PRL: variants seen among roughly 807,000 people sequenced by gnomAD.
The protein encoded by PRL is prolactin.
A neutral mutation model predicts 21.3 loss-of-function variants in PRL; 24 were observed. The ratio of observed to expected loss-of-function variants is 1.13; its 90% CI spans 0.82 to 1.59. The LOEUF (loss-of-function observed/expected upper bound fraction) is 1.59. Among genes scored for constraint, PRL ranks in the 40% most tolerant of loss-of-function variants. PRL has a pLI of 0.00. For synonymous variants in PRL, 118 were observed against 115.7 expected (o/e 1.02, Z -0.13); for missense variants, 243 against 286.9 (o/e 0.85, Z 1.10).
chr6:22,296,772 C>T (rs1761184738), intron 1 of PRL, among the ~76,000 whole-genome samples, 183 bp downstream of exon 1: 1 of 152,158 alleles, frequency 6.6e-6, no homozygotes. Context: ...GAGAGGATTC[C>T]CCTGTTTGAG....
intron 2 of PRL, among the ~76,000 whole-genome samples, chr6:22,293,625 G>GGGAA (rs1176296800): frequency 0.031 from 850 of 27,254 alleles, 17 homozygotes; most frequent in South Asian, 0.065. Context: ...GAGGGAAGGA[G>GGGAA]GGAAGGAAGG....
chr6:22,298,161 A>G (rs1761215761), upstream of PRL, among the ~76,000 whole-genome samples: 2 of 152,194 alleles, frequency 1.3e-5, no homozygotes, highest in Non-Finnish European at 2.9e-5. Context: ...ACTCTTTTCA[A>G]GGATAGCAGT....
At chr6:22,295,423 A>T (rs1761153957) in intron 1 of PRL, among the ~76,000 whole-genome samples, 1 of 152,118 alleles carries the variant, frequency 6.6e-6, no homozygotes, top group Non-Finnish European at 1.5e-5. Context: ...GCATCTGTGT[A>T]ATGGGGGCCG....
chr6:22,292,580 G>A lies in PRL; in HGVS notation c.270C>T (p.Ser90=). ...GCTCCTTGTCTTCGGGGGTGGCAAGGGAAGAAGTGTGGCAGCTGTTGATGG... is the reference window on the plus strand; with the variant it reads ...GCTCCTTGTCTTCGGGGGTGGCAAGAGAAGAAGTGTGGCAGCTGTTGATGG... ...TKAINSCHTS[S]LATPEDKEQA... is the part of the protein sequence containing the mutation. Residue 90 remains serine, a synonymous_variant, in exon 3 of 5, where the codon TCC becomes TCT. Transcript: ENST00000306482. The A allele has an allele frequency of 6.2e-7, 1 of 1,614,106 alleles. No homozygotes were observed. Among genetic ancestry groups the A allele is most frequent in the Non-Finnish European group, 8.5e-7 (1 of 1,180,020 alleles).
At chr6:22,301,365 A>G (rs1761279136), upstream of PRL, among the ~76,000 whole-genome samples, 3 of 152,216 alleles carry the variant, frequency 2.0e-5, no homozygotes, top group African/African-American at 4.8e-5. Context: ...AGAAAGCTAT[A>G]GCGATAGATC....
upstream of PRL, chr6:22,297,053 G>C (rs750148664): frequency 5.9e-6 from 9 of 1,532,292 alleles, no homozygotes; most frequent in Admixed American, 1.4e-4. Flanking sequence ...CTCTTTCCCA[G>C]ATATTGGCTT....
chr6:22,297,036 C>T lies in PRL; in HGVS notation c.-54G>A, dbSNP rs374121001. On this transcript the variant is annotated 5_prime_UTR_variant, in exon 1 of 5. It adds an upstream start codon to the 5' untranslated region. Coordinates refer to ENST00000306482, the MANE Select transcript of PRL (RefSeq NM_000948.6). ...CACCAGAGAAGATCTGGAAGTCTCACGGTTTTCTCTTTCCCAGATATTGGC... is the reference window on the plus strand; with the variant it reads ...CACCAGAGAAGATCTGGAAGTCTCATGGTTTTCTCTTTCCCAGATATTGGC... 201 of 1,590,114 alleles carry T rather than the reference C, an allele frequency of 1.3e-4. No individual in the cohort carries two copies. In the African/African-American group the frequency reaches 1.9e-3, roughly 15 times the overall value.
Position 22,292,610 on chromosome 6 carries a change from G to T in PRL, c.240C>A (p.Thr80=), listed in dbSNP as rs1194602220. ...AAGTGTGGCAGCTGTTGATGGCCTT[G>T]GTAATGAACCCCCGGCCATGGGTAT... ...KRYTHGRGFI[T]KAINSCHTSS... The change falls in exon 3 of 5, where the codon ACC becomes ACA. Residue 80 remains threonine, a synonymous_variant. Transcript: ENST00000306482. The T allele has an allele frequency of 1.9e-6, 3 of 1,613,882 alleles. No homozygotes were observed. Among genetic ancestry groups the T allele is most frequent in the Non-Finnish European group, 2.5e-6 (3 of 1,179,980 alleles).
Position 22,290,201 on chromosome 6 carries a change from T to C in PRL, c.465A>G (p.Leu155=). 6.2e-7 allele frequency: 1 copy of C among 1,603,146 alleles called. No individual in the cohort carries two copies. The highest frequency in any genetic ancestry group is 8.5e-7 in the Non-Finnish European group (1 of 1,172,198). ...VEIEEQTKRL[L]EGMELIVSQV... is the part of the protein sequence containing the mutation. ...GGCTGACTATCAGCTCCATGCCCTC[T>C]AGAAGCCGTTTGGTTTGCTCCTCAA... Residue 155 remains leucine (L), a synonymous_variant, in exon 4 of 5, where the codon CTA becomes CTG. Transcript: ENST00000306482.
Position 22,287,539 on chromosome 6 carries a change from A to T in PRL, c.547T>A (p.Ser183Thr), listed in dbSNP as rs138984819. 3.1e-6 allele frequency: 5 copies of T among 1,614,080 alleles called. No homozygotes were observed. Among genetic ancestry groups the T allele is most frequent in the Non-Finnish European group, 4.2e-6 (5 of 1,179,956 alleles). ...GACTCTTCATCAGCCATCTGCAGGGATGGAAGTCCCGACCAGACAGGGTAG... is the reference window on the plus strand; with the variant it reads ...GACTCTTCATCAGCCATCTGCAGGGTTGGAAGTCCCGACCAGACAGGGTAG... The part of the protein sequence containing the change: ...EIYPVWSGLP[S>T]LQMADEESRL... Residue 183 changes from serine to threonine, a missense_variant, in exon 5 of 5, where the codon TCC becomes ACC. Transcript: ENST00000306482.
At chr6:22,301,248 ATTG>A (rs1761277008), upstream of PRL, among the ~76,000 whole-genome samples, 1 of 152,074 alleles carries the variant, frequency 6.6e-6, no homozygotes, top group African/African-American at 2.4e-5. Context: ...ATCATCTCTT[ATTG>A]TTATCTAATA....
At chr6:22,295,615 G>T (rs1440633719) in intron 1 of PRL, among the ~76,000 whole-genome samples, 1 of 152,060 alleles carries the variant, frequency 6.6e-6, no homozygotes, top group Non-Finnish European at 1.5e-5. Flanking sequence ...TCAAAGCTTT[G>T]TCATCAATTT....
At chr6:22,297,833 T>G (rs974166276), upstream of PRL, among the ~76,000 whole-genome samples, 1 of 152,204 alleles carries the variant, frequency 6.6e-6, no homozygotes, top group Non-Finnish European at 1.5e-5. Context: ...GGGCTTTACT[T>G]TTAAATGGTA....
Position 22,287,291 on chromosome 6 carries a change from A to T in PRL, c.*111T>A, listed in dbSNP as rs1760939673. The T allele has an allele frequency of 4.1e-5, 45 of 1,107,492 alleles. No homozygotes were observed. Among genetic ancestry groups the T allele is most frequent in the Non-Finnish European group, 5.5e-5 (45 of 811,782 alleles). 68.6% of individuals were successfully genotyped at this position (1,107,492 alleles called of 1,614,324 possible). ...AAGGAGTCAGTTTTTATTTTTTAAGAGGAGACCTGTTACACCCAAGCATGG... is the reference window on the plus strand; with the variant it reads ...AAGGAGTCAGTTTTTATTTTTTAAGTGGAGACCTGTTACACCCAAGCATGG... On this transcript the variant is annotated 3_prime_UTR_variant, in exon 5 of 5. Transcript: ENST00000306482.
chr6:22,299,265 T>C (rs930274121), upstream of PRL, among the ~76,000 whole-genome samples: 1 of 152,214 alleles, frequency 6.6e-6, no homozygotes, highest in Non-Finnish European at 1.5e-5. Flanking sequence ...ATTTTTGGTC[T>C]GAGAGCTTGT....
In PRL at chr6:22,292,651, AATG is replaced by A; in HGVS notation, c.205-9_205-7del. On this transcript the variant is annotated splice_polypyrimidine_tract_variant and splice_region_variant and intron_variant, in intron 2 of 4. Transcript: ENST00000306482. The stretch of plus-strand genomic sequence containing the variant: ...CCATGGGTATACCGTTTATCCTGGA[AATG>A]ATGAGACAAATTCAATTAGTTGGGG... 1 of 1,609,530 alleles carries A rather than the reference AATG, an allele frequency of 6.2e-7. No homozygotes were observed. The highest frequency in any genetic ancestry group is 1.7e-5 in the Admixed American group (1 of 59,616).
chr6:22,296,585 T>C (rs1761178130), intron 1 of PRL, among the ~76,000 whole-genome samples: 1 of 152,232 alleles, frequency 6.6e-6, no homozygotes, highest in Admixed American at 6.5e-5. Flanking sequence ...TCAATCTTGA[T>C]ATTATTGGCA....
At chr6:22,294,607 C>T (rs1249244785) in intron 1 of PRL, 23 bp from the exon 2 acceptor site, 5 of 1,522,512 alleles carry the variant, frequency 3.3e-6, no homozygotes, top group Non-Finnish European at 3.5e-6. Flanking sequence ...GAACGCGAGC[C>T]ACTCTGAGAT....
chr6:22,293,103 A>G (rs1761088872), intron 2 of PRL, among the ~76,000 whole-genome samples: 1 of 152,220 alleles, frequency 6.6e-6, no homozygotes, highest in South Asian at 2.1e-4. Flanking sequence ...CTTAATAGGC[A>G]TTATAAAATC....
Sources: allele counts gnomAD v4.1 joint callset (sites outside exome capture counted in the v4.1 genomes callset), GRCh38; gene constraint gnomAD v4.1.1; transcripts MANE v1.5; gene names NCBI Gene and HGNC (gene_info 2026-07-23, HGNC 2026-07-21).